SLC9A7: variants seen among roughly 807,000 people sequenced by gnomAD.
The protein encoded by SLC9A7 is solute carrier family 9 member A7.
A neutral mutation model predicts 52.6 loss-of-function variants in SLC9A7; 19 were observed. The ratio of observed to expected loss-of-function variants is 0.36; its 90% confidence interval spans 0.25 to 0.53. SLC9A7 has a LOEUF of 0.53. SLC9A7 is among the 20% of genes least tolerant of loss of function. SLC9A7 has a pLI of 0.91. For synonymous variants in SLC9A7, 226 were observed against 252.1 expected (o/e 0.90, Z 0.98); for missense variants, 455 against 597.9 (o/e 0.76, Z 2.49).
Position 46,599,482 on chromosome X carries a change from GTTGTT to G in SLC9A7, c.*7465_*7469del. On this transcript the variant is annotated 3_prime_UTR_variant, in exon 17 of 17. Transcript: ENST00000616978. ...AAAACAAAATTAGCTCAGCCAGTTA[GTTGTT>G]TTATTTTGAGTTTTGTTTTTTTAAA... 8.9e-6 allele frequency: 1 copy of G among 112,112 alleles called. No homozygotes were observed. The highest frequency in any genetic ancestry group is 2.8e-4 in the East Asian group (1 of 3,614). 9.2% of individuals were successfully genotyped at this position (112,112 alleles called of 1,213,427 possible). A position where few individuals can be genotyped will look rare whatever the true frequency, so the allele number is the denominator to read the frequency against.
In SLC9A7 at chrX:46,759,112, C is replaced by T. The variant is rs1466623257; in HGVS notation, c.-83G>A. The T allele has an allele frequency of 4.6e-5, 29 of 626,717 alleles. No homozygotes were observed. In the African/African-American group the frequency reaches 6.5e-4, roughly 14 times the overall value. The allele number at this position is 626,717 out of a possible 1,213,427, so 51.6% of individuals were successfully genotyped here. ...GGGTTCTGGCAGCACCGCGGACCTG[C>T]CGGAGTGGCCGTGGCCGCTGCAGCT... On this transcript the variant is annotated 5_prime_UTR_variant, in exon 1 of 17. Transcript: ENST00000616978.
intron 1 of SLC9A7, among the ~76,000 whole-genome samples, chrX:46,738,920 A>G (rs761527701): frequency 9.0e-6 from 1 of 111,537 alleles, no homozygotes; most frequent in African/African-American, 3.3e-5. Flanking sequence ...TCTCTGAAAA[A>G]AGGCATTGTT....
intron 1 of SLC9A7, among the ~76,000 whole-genome samples, chrX:46,687,784 T>A (rs761803283): frequency 3.6e-5 from 4 of 112,139 alleles, no homozygotes; most frequent in Non-Finnish European, 7.5e-5. Context: ...ATTCACAGAG[T>A]TGCACAATCA....
intron 1 of SLC9A7, among the ~76,000 whole-genome samples, chrX:46,740,289 G>A (rs1388056908): frequency 9.0e-6 from 1 of 111,678 alleles, no homozygotes; most frequent in East Asian, 2.8e-4. Context: ...AAAGCTGAAA[G>A]CCTTTCCTCT....
At position 46,643,403 on chromosome X, in the gene SLC9A7, A is replaced by G. The variant is rs995447668; in HGVS notation, c.1463-14T>C. The G allele has an allele frequency of 9.2e-7, 1 of 1,082,048 alleles. No homozygotes were observed. Among genetic ancestry groups the G allele is most frequent in the African/African-American group, 1.8e-5 (1 of 56,374 alleles). The allele number at this position is 1,082,048 out of a possible 1,213,427, so 89.2% of individuals were successfully genotyped here. The stretch of plus-strand genomic sequence containing the variant: ...CTCCCCTGAGGCCTGCGGGGACCAA[A>G]GAAGAAGATCTACTTATAAGGATTA... On this transcript the variant is annotated splice_polypyrimidine_tract_variant and intron_variant, in intron 11 of 16. Transcript: ENST00000616978.
At chrX:46,721,846 G>A (rs1244604135) in intron 1 of SLC9A7, among the ~76,000 whole-genome samples, 4 of 112,300 alleles carry the variant, frequency 3.6e-5, no homozygotes, top group Non-Finnish European at 7.5e-5. Flanking sequence ...AGATGATTAC[G>A]TATTGTGCTA....
At chrX:46,654,307 C>T (rs764003065) in intron 7 of SLC9A7, among the ~76,000 whole-genome samples, 4 of 110,142 alleles carry the variant, frequency 3.6e-5, no homozygotes, top group Admixed American at 2.9e-4. Context: ...CAATTGAACC[C>T]GGCAGGCAGA....
At chrX:46,609,352 T>G (rs1045651314) in intron 16 of SLC9A7, among the ~76,000 whole-genome samples, 11 of 111,438 alleles carry the variant, frequency 9.9e-5, no homozygotes, top group African/African-American at 3.6e-4. Flanking sequence ...TTTCTGAAAC[T>G]CCCAAGCCCA....
intron 14 of SLC9A7, among the ~76,000 whole-genome samples, chrX:46,627,903 C>CA (rs937745039): frequency 6.5e-4 from 70 of 108,264 alleles, no homozygotes; most frequent in Middle Eastern, 4.7e-3. Flanking sequence ...CAAAAACAAA[C>CA]AAAAAAAAAC....
intron 1 of SLC9A7, among the ~76,000 whole-genome samples, chrX:46,736,547 TTGAAGA>T (rs1461668078): frequency 8.9e-6 from 1 of 111,881 alleles, no homozygotes; most frequent in Admixed American, 9.5e-5. Flanking sequence ...TTTTTTATAC[TTGAAGA>T]TGAGTACACC....
chrX:46,607,551 C>G (rs1300405646), intron 16 of SLC9A7, among the ~76,000 whole-genome samples: 1 of 111,567 alleles, frequency 9.0e-6, no homozygotes, highest in Admixed American at 9.5e-5. Flanking sequence ...AAATAGGTTT[C>G]AGGTACTGTC....
chrX:46,640,777 G>A (rs1251681927), intron 12 of SLC9A7, among the ~76,000 whole-genome samples: 1 of 112,479 alleles, frequency 8.9e-6, no homozygotes, highest in Non-Finnish European at 1.9e-5. Flanking sequence ...ATAAACACAT[G>A]AAGTCATGCT....
intron 16 of SLC9A7, among the ~76,000 whole-genome samples, chrX:46,608,294 G>A (rs1230710395): frequency 8.9e-6 from 1 of 112,629 alleles, no homozygotes; most frequent in Non-Finnish European, 1.9e-5. Flanking sequence ...AAGACTCATG[G>A]GTTGCGTTTC....
intron 1 of SLC9A7, among the ~76,000 whole-genome samples, chrX:46,720,763 C>G (rs1944847988): frequency 8.9e-6 from 1 of 111,747 alleles, no homozygotes; most frequent in African/African-American, 3.3e-5. Flanking sequence ...ACCTCCCTCA[C>G]AGCCGTGGCA....
chrX:46,745,355 T>C (rs1052618396), intron 1 of SLC9A7, among the ~76,000 whole-genome samples: 1 of 111,800 alleles, frequency 8.9e-6, no homozygotes, highest in Non-Finnish European at 1.9e-5. Context: ...AGCCCACTCA[T>C]AGCGGACAAG....
rs1044810362 is a variant in SLC9A7, at chrX:46,602,241, G to C, written c.*4711C>G. On this transcript the variant is annotated 3_prime_UTR_variant, in exon 17 of 17. Coordinates refer to ENST00000616978, the MANE Select transcript of SLC9A7 (RefSeq NM_001257291.2). Reference sequence around the variant, plus strand: ...CTCCAAGGTTTTCGTGATCTTTTCAGCTGTACTTTATGGAGTATGTTCTTG... The same window carrying C: ...CTCCAAGGTTTTCGTGATCTTTTCACCTGTACTTTATGGAGTATGTTCTTG... 3 of 111,583 alleles carry C rather than the reference G, an allele frequency of 2.7e-5. No homozygotes were observed. Among genetic ancestry groups the C allele is most frequent in the Non-Finnish European group, 3.8e-5 (2 of 53,152 alleles). The allele number at this position is 111,583 out of a possible 1,213,427, so 9.2% of individuals were successfully genotyped here.
At chrX:46,682,197 A>T (rs1367835670) in intron 2 of SLC9A7, 139 bp downstream of exon 2, 1 of 592,465 alleles carries the variant, frequency 1.7e-6, no homozygotes, top group Non-Finnish European at 2.6e-6. Flanking sequence ...ATGGACCAAA[A>T]AGCTTTGTAA....
intron 1 of SLC9A7, among the ~76,000 whole-genome samples, chrX:46,724,225 G>A (rs1207823058): frequency 1.8e-5 from 2 of 111,140 alleles, no homozygotes; most frequent in Non-Finnish European, 3.8e-5. Flanking sequence ...AGGTACTTAT[G>A]ACCATTACCT....
chrX:46,614,813 C>T (rs987830330), intron 15 of SLC9A7, among the ~76,000 whole-genome samples: 3 of 111,917 alleles, frequency 2.7e-5, no homozygotes, highest in Non-Finnish European at 5.6e-5. Flanking sequence ...GCCACTTCCA[C>T]TACAGGGATG....
Sources: allele counts gnomAD v4.1 joint callset (sites outside exome capture counted in the v4.1 genomes callset), GRCh38; gene constraint gnomAD v4.1.1; transcripts MANE v1.5; gene names NCBI Gene and HGNC (gene_info 2026-07-23, HGNC 2026-07-21).